The following LRP1B variants were observed in gnomAD, a reference collection of about 807,000 sequenced individuals.
LRP1B encodes the protein low-density lipoprotein receptor-related protein 1B.
In LRP1B, 217 loss-of-function variants were observed where a neutral mutation model predicts 556.6. That is an observed-to-expected ratio of 0.39 (90% CI 0.35 to 0.44). LRP1B has a LOEUF of 0.44. LRP1B is among the 20% of genes least tolerant of loss of function. LRP1B has a pLI of 1.00. For missense variants in LRP1B, 5,053 were observed against 5,620.8 expected, an observed-to-expected ratio of 0.90 and a Z score of 3.23; for synonymous variants, 2,047 against 1,865.8, an observed-to-expected ratio of 1.10 and a Z score of -2.50.
chr2:141,298,315 T>C (rs1686259095), intron 3 of LRP1B, among the ~76,000 whole-genome samples: 1 of 152,140 alleles, frequency 6.6e-6, no homozygotes, highest in South Asian at 2.1e-4. Context: ...GATAGGAATG[T>C]CTATTTAAGG....
chr2:141,868,268 T>C (rs1382133722), intron 1 of LRP1B, among the ~76,000 whole-genome samples: 2 of 152,046 alleles, frequency 1.3e-5, no homozygotes, highest in African/African-American at 4.8e-5. Flanking sequence ...CACAGAGAGA[T>C]GCCCCGGTGA....
chr2:141,655,618 G>A (rs1461924418), intron 2 of LRP1B, among the ~76,000 whole-genome samples: 1 of 151,994 alleles, frequency 6.6e-6, no homozygotes, highest in Admixed American at 6.6e-5. Flanking sequence ...TAATATTAAT[G>A]GGGTTATTGC....
chr2:141,576,570 T>G (rs1042892716), intron 2 of LRP1B, among the ~76,000 whole-genome samples: 3 of 152,028 alleles, frequency 2.0e-5, no homozygotes, highest in East Asian at 1.9e-4. Context: ...CTCTTTTTTT[T>G]TAGAAGAAGA....
rs999062203 is a variant in LRP1B, at chr2:141,113,145, C to T, written c.1014-50872G>A. On this transcript the variant is annotated intron_variant, in intron 7 of 90. Coordinates refer to ENST00000389484, the MANE Select transcript of LRP1B (RefSeq NM_018557.3). The stretch of plus-strand genomic sequence containing the variant: ...ACATAAAACTAACTTTTAATTTTCT[C>T]CATTTCACATTTAAGTGAAGGCAGA... 1.3e-5 allele frequency among the ~76,000 whole-genome samples: 2 copies of T among 152,192 alleles called. 1 individual carries two copies. Among genetic ancestry groups the T allele is most frequent in the African/African-American group, 4.8e-5 (2 of 41,546 alleles).
chr2:140,961,786 AAACTTAT>A (rs1696043655), intron 18 of LRP1B, among the ~76,000 whole-genome samples: 3 of 152,112 alleles, frequency 2.0e-5, no homozygotes, highest in Admixed American at 2.0e-4. Context: ...TAAAACTTTA[AAACTTAT>A]AACTTAAATT....
chr2:140,719,009 G>A (rs192007535), intron 35 of LRP1B, among the ~76,000 whole-genome samples: 175 of 151,824 alleles, frequency 1.2e-3, no homozygotes, highest in African/African-American at 4.0e-3. Context: ...ATTTTCCTCC[G>A]TAGCACTTAT....
chr2:140,576,474 T>C (rs533889340), intron 43 of LRP1B, among the ~76,000 whole-genome samples: 1 of 152,346 alleles, frequency 6.6e-6, no homozygotes, highest in South Asian at 2.1e-4. Context: ...CTTGGTTGTG[T>C]ATGGATTCGC....
chr2:140,514,508 G>A (rs1367291753), intron 51 of LRP1B, 145 bp downstream of exon 51: 3 of 594,728 alleles, frequency 5.0e-6, no homozygotes, highest in Non-Finnish European at 7.8e-6. Flanking sequence ...GGATTGTCAT[G>A]AAAATAATAA....
intron 3 of LRP1B, among the ~76,000 whole-genome samples, chr2:141,365,499 T>A (rs1573861828): frequency 9.6e-6 from 1 of 103,992 alleles, no homozygotes; most frequent in East Asian, 2.2e-4. Context: ...TTTTTTTTTG[T>A]CAAACACTTC....
At position 140,320,732 on chromosome 2, in the gene LRP1B, C is replaced by T. The variant is rs1446351656; in HGVS notation, c.12640+1231G>A. ...TGTGAGCCACCACGCCTGGCAAGAA[C>T]ACTGCCTTTGTGTCTGTGACATAAA... On this transcript the variant is annotated intron_variant, in intron 82 of 90. Transcript: ENST00000389484. Among the ~76,000 whole-genome samples the T allele has an allele frequency of 2.0e-5, 3 of 152,154 alleles. No individual in the cohort carries two copies. The East Asian group carries it at 5.8e-4, about 30-fold the overall frequency.
At chr2:140,366,285 A>AAT (rs1682756099) in intron 71 of LRP1B, among the ~76,000 whole-genome samples, 1 of 151,716 alleles carries the variant, frequency 6.6e-6, no homozygotes, top group Non-Finnish European at 1.5e-5. Flanking sequence ...GAGAGTGGCA[A>AAT]AGGAGAGTGA....
intron 23 of LRP1B, among the ~76,000 whole-genome samples, chr2:140,902,244 G>A (rs529804194): frequency 1.3e-5 from 2 of 152,182 alleles, no homozygotes; most frequent in South Asian, 2.1e-4. Flanking sequence ...GATGGGAAGC[G>A]ATACTTCTTT....
chr2:140,607,743 T>C (rs991017170), intron 41 of LRP1B, among the ~76,000 whole-genome samples: 10 of 152,028 alleles, frequency 6.6e-5, no homozygotes, highest in Non-Finnish European at 1.0e-4. Flanking sequence ...TGTGAATATG[T>C]AGATATGGTT....
At chr2:140,702,406 C>T (rs1298672759) in intron 38 of LRP1B, 21 bp downstream of exon 38, 3 of 1,612,196 alleles carry the variant, frequency 1.9e-6, no homozygotes, top group Non-Finnish European at 1.7e-6. Context: ...ACTTTAAATA[C>T]TGAAAAGAAA....
chr2:141,015,775 A>G lies in LRP1B; in HGVS notation c.2111T>C (p.Phe704Ser), dbSNP rs1232869275. 3 of 1,613,556 alleles carry G rather than the reference A, an allele frequency of 1.9e-6. No individual in the cohort carries two copies. The South Asian group carries it at 3.3e-5, about 18-fold the overall frequency. ...ACACCAGTATAATGTGTTGGTGTGA[A>G]AGTCCAGAGTTAAACCGTTTGGCCA... Reference protein sequence around the residue: ...MLWPNGLTLDFHTNTLYWCDA... With the variant: ...MLWPNGLTLDSHTNTLYWCDA... The change falls in exon 13 of 91, where the codon TTT becomes TCT. Residue 704 changes from phenylalanine to serine, a missense_variant. By Grantham distance (155) the Phe-to-Ser change is radical (BLOSUM62 -2). Around this residue, in one of 5 missense-constraint regions of LRP1B, gnomAD observed 3,619 missense variants for 3,931.9 expected, o/e 0.92. Coordinates refer to ENST00000389484, the MANE Select transcript of LRP1B (RefSeq NM_018557.3).
chr2:140,391,469 A>G (rs780180007), intron 66 of LRP1B, among the ~76,000 whole-genome samples: 2 of 149,740 alleles, frequency 1.3e-5, no homozygotes, highest in Admixed American at 1.3e-4. Context: ...CACACGTTGT[A>G]TACTGTAGAA....
At chr2:141,832,473 C>T (rs1479234319) in intron 1 of LRP1B, among the ~76,000 whole-genome samples, 2 of 151,582 alleles carry the variant, frequency 1.3e-5, no homozygotes, top group African/African-American at 4.8e-5. Context: ...TACCTATTTT[C>T]TCTGGTTCAA....
chr2:141,323,464 C>T (rs1227631683), intron 3 of LRP1B, among the ~76,000 whole-genome samples: 2 of 152,038 alleles, frequency 1.3e-5, no homozygotes, highest in African/African-American at 2.4e-5. Context: ...TAAATTTGAA[C>T]CCAAATTCTT....
chr2:141,444,473 A>T (rs1681104027), intron 3 of LRP1B, among the ~76,000 whole-genome samples: 1 of 152,198 alleles, frequency 6.6e-6, no homozygotes, highest in Non-Finnish European at 1.5e-5. Flanking sequence ...GTAGAATAGG[A>T]GTGGTGAAAG....
Sources: allele counts gnomAD v4.1 joint callset (sites outside exome capture counted in the v4.1 genomes callset), GRCh38; gene constraint gnomAD v4.1.1; regional missense constraint gnomAD v4.1.1; transcripts MANE v1.5; gene names NCBI Gene and HGNC (gene_info 2026-07-23, HGNC 2026-07-21).